CR1: variants seen among roughly 807,000 people sequenced by gnomAD.
CR1 encodes the protein complement C3b/C4b receptor 1 (Knops blood group).
A neutral mutation model predicts 187.3 loss-of-function variants in CR1; 116 were observed. The observed-to-expected ratio is 0.62, with a 90% CI of 0.53 to 0.72. The LOEUF (loss-of-function observed/expected upper bound fraction) is 0.72, where lower values mean the gene tolerates loss of function less well. CR1 is among the 30% of genes least tolerant of loss of function. CR1 has a pLI of 0.00. For missense variants in CR1, 1,731 were observed against 2,110.7 expected, an observed-to-expected ratio of 0.82 and a Z score of 3.52; for synonymous variants, 576 against 747.1, an observed-to-expected ratio of 0.77 and a Z score of 3.73.
At chr1:207,606,866 T>A (rs1661768112) in intron 35 of CR1, among the ~76,000 whole-genome samples, 1 of 152,146 alleles carries the variant, frequency 6.6e-6, no homozygotes, top group African/African-American at 2.4e-5. Context: ...CTAAGCTAGG[T>A]GCTATAGTGT....
chr1:207,589,696 T>C (rs1030838047), intron 35 of CR1, among the ~76,000 whole-genome samples: 3 of 152,134 alleles, frequency 2.0e-5, no homozygotes, highest in African/African-American at 7.2e-5. Context: ...TCTAACCCAA[T>C]GCAAGGAAGC....
At chr1:207,629,776 G>A (rs1288788710) in intron 45 of CR1, among the ~76,000 whole-genome samples, 1 of 152,164 alleles carries the variant, frequency 6.6e-6, no homozygotes, top group Non-Finnish European at 1.5e-5. Flanking sequence ...AAGAGGCAGT[G>A]TACCATACCA....
intron 3 of CR1, among the ~76,000 whole-genome samples, chr1:207,509,948 C>G (rs1022943276): frequency 3.3e-5 from 5 of 152,178 alleles, no homozygotes; most frequent in Admixed American, 6.5e-5. Context: ...GGTGTGCTGG[C>G]TGTAATCCCA....
chr1:207,599,794 T>G (rs1273832672), intron 35 of CR1, among the ~76,000 whole-genome samples: 2 of 152,172 alleles, frequency 1.3e-5, no homozygotes, highest in Non-Finnish European at 2.9e-5. Context: ...TACACATATG[T>G]GTGTTTGATT....
rs143756161 is a variant in CR1, at chr1:207,627,218, C to G, written c.7353-3299C>G. Among the ~76,000 whole-genome samples the G allele has an allele frequency of 7.8e-3, 1,187 of 152,174 alleles. 20 individuals are homozygous for G. Among genetic ancestry groups the G allele is most frequent in the African/African-American group, 0.027 (1,133 of 41,504 alleles). ...CCCCACCCCCACATTCCTAGTCTCTCTTATCCTGCTTTATTTTTTTCATAG... is the reference window on the plus strand; with the variant it reads ...CCCCACCCCCACATTCCTAGTCTCTGTTATCCTGCTTTATTTTTTTCATAG... On this transcript the variant is annotated intron_variant, in intron 45 of 46. Coordinates refer to ENST00000367049, the MANE Select transcript of CR1 (RefSeq NM_000651.6).
chr1:207,544,829 G>A (rs1660266690), intron 13 of CR1, among the ~76,000 whole-genome samples: 1 of 126,588 alleles, frequency 7.9e-6, no homozygotes, highest in Non-Finnish European at 1.6e-5. Flanking sequence ...GAGCATAGAT[G>A]TATGGACGCT....
chr1:207,513,369 T>C (rs1659681533), intron 4 of CR1, among the ~76,000 whole-genome samples: 1 of 152,210 alleles, frequency 6.6e-6, no homozygotes, highest in African/African-American at 2.4e-5. Flanking sequence ...CAGTTCCCAT[T>C]GTCATTCCTG....
intron 28 of CR1, among the ~76,000 whole-genome samples, chr1:207,577,046 T>C (rs1342882284): frequency 1.3e-5 from 2 of 151,862 alleles, no homozygotes; most frequent in Non-Finnish European, 1.5e-5. Flanking sequence ...AGGTCAGGAG[T>C]TCGAGACCAG....
At chr1:207,578,334 C>T in intron 29 of CR1, 131 bp downstream of exon 29, 1 of 1,548,872 alleles carries the variant, frequency 6.5e-7, no homozygotes. Flanking sequence ...GGGGAAGAAG[C>T]ATGAAATTAA....
At position 207,503,906 on chromosome 1, in the gene CR1, A is replaced by G. The variant is rs150884712; in HGVS notation, c.122-1998A>G. Among the ~76,000 whole-genome samples, 20 of 152,362 alleles carry G rather than the reference A, an allele frequency of 1.3e-4. No homozygotes were observed. The East Asian group carries it at 3.7e-3, about 28-fold the overall frequency. ...TTAAGTGAAAAGGTGAAAGTTGTCC[A>G]CTTAATAAGGAAAGAAAAACATTGT... On this transcript the variant is annotated intron_variant, in intron 1 of 46. Transcript: ENST00000367049.
At chr1:207,579,534 T>C (rs1309354221) in intron 29 of CR1, among the ~76,000 whole-genome samples, 1 of 152,194 alleles carries the variant, frequency 6.6e-6, no homozygotes. Flanking sequence ...GCTGCCCTCA[T>C]AGTCCCATCA....
intron 31 of CR1, among the ~76,000 whole-genome samples, chr1:207,581,551 AAAGTTGTATAT>A (rs145297294): frequency 0.015 from 2,216 of 152,154 alleles, 60 homozygotes; most frequent in African/African-American, 0.051. Flanking sequence ...TATATAAGAG[AAAGTTGTATAT>A]AAGATAAAAT....
intron 5 of CR1, among the ~76,000 whole-genome samples, chr1:207,524,980 G>A (rs1001699117): frequency 2.0e-5 from 3 of 152,050 alleles, no homozygotes; most frequent in African/African-American, 7.3e-5. Context: ...CAGGAGGCAT[G>A]GCTAGGGACC....
rs758424710 is a variant in CR1 at position 207,619,983 on chromosome 1, T to C, written c.7170T>C (p.Asp2390=). ...YGDYVTLKCE[D]GYTLEGSPWS... is the part of the protein sequence containing the mutation. Reference sequence around the variant, plus strand: ...ATTATGTGACTTTGAAGTGTGAAGATGGGTATACTCTGGAAGGCAGTCCCT... The same window carrying C: ...ATTATGTGACTTTGAAGTGTGAAGACGGGTATACTCTGGAAGGCAGTCCCT... The change falls in exon 43 of 47, where the codon GAT becomes GAC. Residue 2390 remains aspartate (D), a synonymous_variant. Coordinates refer to ENST00000367049, the MANE Select transcript of CR1 (RefSeq NM_000651.6). 2.5e-6 allele frequency: 4 copies of C among 1,613,854 alleles called. No homozygotes were observed. Among genetic ancestry groups the C allele is most frequent in the Non-Finnish European group, 3.4e-6 (4 of 1,179,836 alleles).
chr1:207,575,436 T>C (rs1660711776), intron 27 of CR1, among the ~76,000 whole-genome samples, 159 bp from the exon 28 acceptor site: 1 of 152,148 alleles, frequency 6.6e-6, no homozygotes, highest in South Asian at 2.1e-4. Flanking sequence ...AATGAAAGAA[T>C]AAGAAAAAGA....
intron 28 of CR1, 112 bp downstream of exon 28, chr1:207,575,792 T>C (rs894625318): frequency 7.1e-5 from 108 of 1,526,434 alleles, no homozygotes; most frequent in Middle Eastern, 2.3e-4. Context: ...CTTCTGATAT[T>C]TGAAGAATCT....
At position 207,577,602 on chromosome 1, in the gene CR1, T is replaced by C. The variant is rs1486562061; in HGVS notation, c.4538-203T>C. 3.9e-5 allele frequency among the ~76,000 whole-genome samples: 6 copies of C among 152,170 alleles called. No homozygotes were observed. In the East Asian group the frequency reaches 1.2e-3, roughly 29 times the overall value. On this transcript the variant is annotated intron_variant, in intron 28 of 46. Transcript: ENST00000367049. The stretch of plus-strand genomic sequence containing the variant: ...CTGCCCAACATGGCCAAACCCCATC[T>C]CTACTAAAAATACAAAAATAAACCA...
intron 33 of CR1, among the ~76,000 whole-genome samples, chr1:207,586,740 G>GA (rs572983050): frequency 8.5e-5 from 13 of 152,188 alleles, no homozygotes; most frequent in South Asian, 4.1e-4. Context: ...CTTTTCCCCT[G>GA]TGTCTCTATA....
intron 4 of CR1, among the ~76,000 whole-genome samples, chr1:207,516,595 C>A (rs1659816066): frequency 6.6e-6 from 1 of 152,120 alleles, no homozygotes; most frequent in African/African-American, 2.4e-5. Context: ...GGACAAGTAA[C>A]AAATTTACAG....
Sources: allele counts gnomAD v4.1 joint callset (sites outside exome capture counted in the v4.1 genomes callset), GRCh38; gene constraint gnomAD v4.1.1; transcripts MANE v1.5; gene names NCBI Gene and HGNC (gene_info 2026-07-23, HGNC 2026-07-21).